Variants in COG6 observed in about 807,000 individuals in gnomAD.
COG6 encodes the protein component of oligomeric golgi complex 6.
A neutral mutation model predicts 88.8 loss-of-function variants in COG6; 74 were observed. The ratio of observed to expected loss-of-function variants is 0.83; its 90% confidence interval spans 0.69 to 1.01. The LOEUF is 1.01. Among genes scored for constraint, COG6 ranks in the 50% least tolerant of loss-of-function variants. The pLI is 0.00. For missense variants in COG6, 800 were observed against 797.9 expected, an observed-to-expected ratio of 1.00 and a Z score of -0.03; for synonymous variants, 286 against 278.7, an observed-to-expected ratio of 1.03 and a Z score of -0.26.
At chr13:39,660,555 A>T (rs1032648582) in intron 2 of COG6, among the ~76,000 whole-genome samples, 3 of 152,184 alleles carry the variant, frequency 2.0e-5, no homozygotes, top group Non-Finnish European at 4.4e-5. Flanking sequence ...CAATAAAGGG[A>T]TATTCAGTTT....
At chr13:39,766,400 A>T (rs1057347927) in intron 18 of COG6, among the ~76,000 whole-genome samples, 1 of 152,154 alleles carries the variant, frequency 6.6e-6, no homozygotes, top group Admixed American at 6.5e-5. Context: ...AGCCACTCAG[A>T]GGATTCTGGG....
intron 13 of COG6, among the ~76,000 whole-genome samples, chr13:39,715,753 G>A (rs1878493407): frequency 6.6e-6 from 1 of 151,952 alleles, no homozygotes; most frequent in South Asian, 2.1e-4. Context: ...CTGTCACCCT[G>A]AATTGACTGT....
rs374660694 is a variant in COG6, at chr13:39,696,903, G to T, written c.1166+2178G>T. On this transcript the variant is annotated intron_variant, in intron 12 of 18. Transcript: ENST00000455146. ...GACTAGGGTGATGGTCTTAGAAATG[G>T]TAAACAGTAGTTGATTTTGGAGATA... is the stretch of plus-strand genomic sequence containing the variant. Among the ~76,000 whole-genome samples, 20 of 149,474 alleles carry T rather than the reference G, an allele frequency of 1.3e-4. 1 individual carries two copies. Among genetic ancestry groups the T allele is most frequent in the African/African-American group, 4.9e-4 (20 of 40,524 alleles).
rs928670718 is a variant in COG6, at chr13:39,752,040, G to C, written c.*947G>C. 4.7e-6 allele frequency: 6 copies of C among 1,284,672 alleles called. No individual in the cohort carries two copies. The highest frequency in any genetic ancestry group is 5.1e-6 in the Non-Finnish European group (5 of 986,506). The allele number at this position is 1,284,672 out of a possible 1,614,324, so 79.6% of individuals were successfully genotyped here. ...AATTGGCAGTGTGTCTTATCTCCAT[G>C]TTGTAACTGGACTCTGACTTTAGAC... is the stretch of plus-strand genomic sequence containing the variant. On this transcript the variant is annotated 3_prime_UTR_variant, in exon 19 of 19. Coordinates refer to ENST00000455146, the MANE Select transcript of COG6 (RefSeq NM_020751.3).
chr13:39,757,252 G>A (rs1165225045), downstream of COG6, among the ~76,000 whole-genome samples: 2 of 152,126 alleles, frequency 1.3e-5, no homozygotes, highest in Admixed American at 6.6e-5. Flanking sequence ...AAGAAATCAC[G>A]AAGGAAACTA....
chr13:39,716,680 TCCTGAGTGGTGC>T (rs1878546109), intron 13 of COG6, among the ~76,000 whole-genome samples: 1 of 152,184 alleles, frequency 6.6e-6, no homozygotes, highest in East Asian at 1.9e-4. Flanking sequence ...TAGTTATATT[TCCTGAGTGGTGC>T]CCTGGGAATT....
At chr13:39,721,918 C>A (rs1878871076) in intron 15 of COG6, among the ~76,000 whole-genome samples, 1 of 151,936 alleles carries the variant, frequency 6.6e-6, no homozygotes, top group African/African-American at 2.4e-5. Flanking sequence ...TTTGGTATGT[C>A]TCTTTTTAAA....
chr13:39,690,314 TC>T (rs1876910440), intron 11 of COG6, among the ~76,000 whole-genome samples: 1 of 152,012 alleles, frequency 6.6e-6, no homozygotes, highest in African/African-American at 2.4e-5. Flanking sequence ...GAGTTAGAAT[TC>T]CCATATTGCC....
chr13:39,790,993 G>A (rs906242334), exon 19 of COG6: 6 of 151,962 alleles, frequency 3.9e-5, no homozygotes, highest in African/African-American at 1.4e-4. Flanking sequence ...CTTAAATTAA[G>A]AAAATGTTTT....
At chr13:39,676,102 A>G (rs909159831) in intron 4 of COG6, among the ~76,000 whole-genome samples, 3 of 152,102 alleles carry the variant, frequency 2.0e-5, no homozygotes, top group Non-Finnish European at 4.4e-5. Context: ...TAGTCACCCT[A>G]GTTTGTAATA....
At chr13:39,674,852 G>C (rs114269729) in intron 4 of COG6, among the ~76,000 whole-genome samples, 1 of 152,008 alleles carries the variant, frequency 6.6e-6, no homozygotes, top group African/African-American at 2.4e-5. Flanking sequence ...AAAACAGTAC[G>C]TGTAGGATTT....
intron 13 of COG6, among the ~76,000 whole-genome samples, chr13:39,704,998 TC>T (rs1292864021): frequency 6.6e-6 from 1 of 152,182 alleles, no homozygotes; most frequent in East Asian, 1.9e-4. Flanking sequence ...TGCAAGAATA[TC>T]TTCCTTTCAT....
intron 1 of COG6, among the ~76,000 whole-genome samples, chr13:39,656,546 A>C (rs1874516272): frequency 6.6e-6 from 1 of 151,994 alleles, no homozygotes; most frequent in East Asian, 1.9e-4. Context: ...TCACATACCC[A>C]GCCATCTCTT....
intron 4 of COG6, among the ~76,000 whole-genome samples, chr13:39,674,737 G>A (rs1219847824): frequency 6.6e-6 from 1 of 152,124 alleles, no homozygotes; most frequent in African/African-American, 2.4e-5. Flanking sequence ...TCAAGTGGTT[G>A]GCTCCCACTT....
intron 18 of COG6, among the ~76,000 whole-genome samples, chr13:39,783,121 A>G (rs1881678097): frequency 6.6e-6 from 1 of 152,228 alleles, no homozygotes; most frequent in South Asian, 2.1e-4. Flanking sequence ...AGAATGTATT[A>G]GTAAAGCTCG....
intron 8 of COG6, among the ~76,000 whole-genome samples, chr13:39,683,466 A>G (rs1259726480): frequency 1.3e-5 from 2 of 152,200 alleles, no homozygotes; most frequent in African/African-American, 4.8e-5. Context: ...CCTTTGGGAA[A>G]TTAATTGTAA....
In COG6 at chr13:39,659,396, C is replaced by G. The variant is rs1566167320; in HGVS notation, c.186C>G (p.Thr62=). The change falls in exon 2 of 19, where the codon ACC becomes ACG. Residue 62 remains threonine (T), a synonymous_variant. Transcript: ENST00000455146. ...TAGAAGCTCTCAAGGCACTTTCAAC[C>G]TTTTTTGTTGAAAATAGTCTGCGGA... The part of the protein sequence containing the change: ...EMLEALKALS[T]FFVENSLRTR... 2.5e-6 allele frequency: 4 copies of G among 1,613,318 alleles called. No individual in the cohort carries two copies. The highest frequency in any genetic ancestry group is 1.3e-5 in the African/African-American group (1 of 74,874).
At chr13:39,740,152 A>G (rs769051636) in intron 18 of COG6, among the ~76,000 whole-genome samples, 3 of 152,226 alleles carry the variant, frequency 2.0e-5, no homozygotes, top group South Asian at 2.1e-4. Context: ...TCACTAGTGT[A>G]ACAGGTTAAT....
intron 13 of COG6, among the ~76,000 whole-genome samples, chr13:39,718,474 G>A (rs1878657292): frequency 6.6e-6 from 1 of 151,928 alleles, no homozygotes; most frequent in Non-Finnish European, 1.5e-5. Flanking sequence ...TATGTATCAT[G>A]GTGCCACCAA....
Sources: allele counts gnomAD v4.1 joint callset (sites outside exome capture counted in the v4.1 genomes callset), GRCh38; gene constraint gnomAD v4.1.1; transcripts MANE v1.5; gene names NCBI Gene and HGNC (gene_info 2026-07-23, HGNC 2026-07-21).